The following DSCAM variants were observed in gnomAD, a reference collection of about 807,000 sequenced individuals.
DSCAM encodes cell adhesion molecule DSCAM.
A neutral mutation model predicts 217.7 loss-of-function variants in DSCAM; 47 were observed. The observed-to-expected ratio is 0.22, with a 90% CI of 0.17 to 0.28. The LOEUF is 0.28. DSCAM is among the 10% of genes least tolerant of loss of function. The probability of loss-of-function intolerance (pLI) is 1.00; values close to 1 mark genes in which losing one functional copy is unlikely to be tolerated. For missense variants in DSCAM, 2,080 were observed against 2,618.3 expected (o/e 0.79, Z 4.49); for synonymous variants, 1,056 against 1,015.3 (o/e 1.04, Z -0.76).
chr21:40,586,493 G>A (rs915360246), intron 3 of DSCAM, among the ~76,000 whole-genome samples: 15 of 151,644 alleles, frequency 9.9e-5, no homozygotes, highest in African/African-American at 3.6e-4. Flanking sequence ...TTATGAAGGA[G>A]AAGGATGTTT....
intron 1 of DSCAM, among the ~76,000 whole-genome samples, chr21:40,785,931 T>TA (rs1475173365): frequency 2.0e-5 from 3 of 152,202 alleles, no homozygotes; most frequent in African/African-American, 7.2e-5. Context: ...GATATGCAAT[T>TA]ATCTCATCTA....
intron 13 of DSCAM, among the ~76,000 whole-genome samples, chr21:40,187,629 G>A (rs1308368583): frequency 6.6e-6 from 1 of 152,306 alleles, no homozygotes; most frequent in Middle Eastern, 3.4e-3. Context: ...CTGTACTTGT[G>A]TGCATGTGGC....
chr21:40,713,755 T>G (rs1186761821), intron 1 of DSCAM, among the ~76,000 whole-genome samples: 1 of 152,176 alleles, frequency 6.6e-6, no homozygotes, highest in Non-Finnish European at 1.5e-5. Flanking sequence ...TAAATGGTCA[T>G]GTAACCAGTC....
At chr21:40,085,404 A>C (rs1195509841) in intron 23 of DSCAM, among the ~76,000 whole-genome samples, 198 bp downstream of exon 23, 2 of 152,152 alleles carry the variant, frequency 1.3e-5, no homozygotes, top group Non-Finnish European at 2.9e-5. Context: ...AGTATTTCTG[A>C]GGTTGTGAAT....
At chr21:40,052,949 T>G (rs2088956371) in intron 29 of DSCAM, among the ~76,000 whole-genome samples, 1 of 152,186 alleles carries the variant, frequency 6.6e-6, no homozygotes, top group Non-Finnish European at 1.5e-5. Context: ...TTAAAAAGCT[T>G]TTTTACTCCA....
intron 1 of DSCAM, among the ~76,000 whole-genome samples, chr21:40,722,273 A>G (rs956299185): frequency 6.6e-6 from 1 of 152,142 alleles, no homozygotes. Flanking sequence ...ATATAAAATC[A>G]TATTTTCTCA....
At chr21:40,028,790 C>CGTCTTCTGCGTCGCTCA (rs2088454270) in intron 32 of DSCAM, among the ~76,000 whole-genome samples, 1 of 152,202 alleles carries the variant, frequency 6.6e-6, no homozygotes, top group East Asian at 1.9e-4. Flanking sequence ...CGAGATCACC[C>CGTCTTCTGCGTCGCTCA]GTCTTCTGCG....
chr21:40,706,385 T>C (rs2090718276), intron 2 of DSCAM, among the ~76,000 whole-genome samples: 1 of 152,122 alleles, frequency 6.6e-6, no homozygotes, highest in Non-Finnish European at 1.5e-5. Flanking sequence ...AAATATCTTA[T>C]GTTAGGACTA....
intron 3 of DSCAM, among the ~76,000 whole-genome samples, chr21:40,531,819 A>C (rs1194653922): frequency 1.3e-5 from 2 of 152,178 alleles, no homozygotes; most frequent in East Asian, 3.9e-4. Context: ...ATAAATCAGC[A>C]ACCAGTGATA....
chr21:40,096,566 T>G (rs1487701526), intron 20 of DSCAM, among the ~76,000 whole-genome samples: 1 of 152,042 alleles, frequency 6.6e-6, no homozygotes, highest in Non-Finnish European at 1.5e-5. Context: ...AACATGCACA[T>G]AGTGGAGTTC....
At chr21:40,444,704 C>T (rs529750755) in intron 3 of DSCAM, among the ~76,000 whole-genome samples, 2 of 152,332 alleles carry the variant, frequency 1.3e-5, no homozygotes, top group South Asian at 2.1e-4. Context: ...GATGAGAACA[C>T]TGAGGCCCAT....
At chr21:40,517,821 AG>A (rs748531308) in intron 3 of DSCAM, among the ~76,000 whole-genome samples, 62 of 152,266 alleles carry the variant, frequency 4.1e-4, no homozygotes, top group Admixed American at 1.4e-3. Context: ...GGAAAGTGAC[AG>A]TGCTGTGTCC....
intron 6 of DSCAM, among the ~76,000 whole-genome samples, chr21:40,341,551 T>C (rs1390968570): frequency 6.6e-6 from 1 of 152,220 alleles, no homozygotes; most frequent in Non-Finnish European, 1.5e-5. Context: ...GATCAAGATA[T>C]AAAACATTTC....
At chr21:40,082,592 T>G (rs2089478293) in intron 24 of DSCAM, among the ~76,000 whole-genome samples, 1 of 152,148 alleles carries the variant, frequency 6.6e-6, no homozygotes. Flanking sequence ...TGACTCTCTG[T>G]GCATTCCACA....
rs936378454 is a variant in DSCAM at position 40,530,544 on chromosome 21, G to A, written c.509-161299C>T. On this transcript the variant is annotated intron_variant, in intron 3 of 32. Coordinates refer to ENST00000400454, the MANE Select transcript of DSCAM (RefSeq NM_001389.5). ...ATCCACCCTATAGAAAGACTCAAGT[G>A]CTTGGCTAATTTAAAATGACAAATA... 2.6e-5 allele frequency among the ~76,000 whole-genome samples: 4 copies of A among 152,128 alleles called. No individual in the cohort carries two copies. The South Asian group carries it at 8.3e-4, about 32-fold the overall frequency.
intron 11 of DSCAM, among the ~76,000 whole-genome samples, chr21:40,255,221 G>A (rs772012589): frequency 6.6e-6 from 1 of 152,108 alleles, no homozygotes; most frequent in South Asian, 2.1e-4. Flanking sequence ...GGTGTTCTGT[G>A]CCAGAGAGTG....
chr21:40,218,807 T>C (rs2091266120), intron 11 of DSCAM, among the ~76,000 whole-genome samples: 1 of 152,206 alleles, frequency 6.6e-6, no homozygotes, highest in South Asian at 2.1e-4. Flanking sequence ...TGTTGGTATA[T>C]AGGAATTAGT....
In DSCAM at chr21:40,145,924, A is replaced by G. The variant is rs182993178; in HGVS notation, c.3019-1193T>C. 1.9e-3 allele frequency among the ~76,000 whole-genome samples: 287 copies of G among 152,014 alleles called. 3 individuals carry two copies. The highest frequency in any genetic ancestry group is 6.6e-3 in the African/African-American group (272 of 41,514). The stretch of plus-strand genomic sequence containing the variant: ...GGTTTTGTAGACTTTCAGGCAGTCA[A>G]CAGATATGTGTGTTTATGTGTATGC... On this transcript the variant is annotated intron_variant, in intron 16 of 32. Transcript: ENST00000400454.
At chr21:40,150,283 AAGTAAT>A (rs1343427958) in intron 16 of DSCAM, among the ~76,000 whole-genome samples, 1 of 152,214 alleles carries the variant, frequency 6.6e-6, no homozygotes, top group Non-Finnish European at 1.5e-5. Context: ...TAGTTTTGTA[AAGTAAT>A]AGTATACATG....
Sources: allele counts gnomAD v4.1 joint callset (sites outside exome capture counted in the v4.1 genomes callset), GRCh38; gene constraint gnomAD v4.1.1; transcripts MANE v1.5; gene names NCBI Gene and HGNC (gene_info 2026-07-23, HGNC 2026-07-21).